CTBP2: variants seen among roughly 807,000 people sequenced by gnomAD.
CTBP2 encodes C-terminal-binding protein 2.
In CTBP2, 30 loss-of-function variants were observed where a neutral mutation model predicts 80.3. The ratio of observed to expected loss-of-function variants is 0.37; its 90% confidence interval spans 0.28 to 0.51. CTBP2 has a LOEUF of 0.51. Among genes scored for constraint, CTBP2 ranks in the 20% least tolerant of loss-of-function variants. The probability of loss-of-function intolerance (pLI) is 0.93; values close to 1 mark genes in which losing one functional copy is unlikely to be tolerated. For synonymous variants in CTBP2, 594 were observed against 587.4 expected (o/e 1.01, Z -0.16); for missense variants, 1,212 against 1,375.3 (o/e 0.88, Z 1.88).
At chr10:124,999,695 T>G (rs961477124) in intron 3 of CTBP2, 2 of 152,374 alleles carry the variant, frequency 1.3e-5, no homozygotes, top group African/African-American at 2.4e-5. Flanking sequence ...TCCCACGAGC[T>G]GGATGCCAGG....
intron 2 of CTBP2, among the ~76,000 whole-genome samples, chr10:125,104,862 G>A (rs1450389661): frequency 6.6e-6 from 1 of 152,232 alleles, no homozygotes; most frequent in Non-Finnish European, 1.5e-5. Flanking sequence ...GGTGTTAAAT[G>A]AATGCCTGGG....
chr10:125,038,845 C>T, intron 3 of CTBP2, 152 bp downstream of exon 3: 2 of 741,084 alleles, frequency 2.7e-6, no homozygotes, highest in Non-Finnish European at 4.4e-6. Flanking sequence ...CGGCCAAGGA[C>T]ACCCAGCAGA....
chr10:125,151,912 C>T (rs1277887142), intron 1 of CTBP2, among the ~76,000 whole-genome samples: 6 of 152,164 alleles, frequency 3.9e-5, no homozygotes, highest in Non-Finnish European at 7.4e-5. Flanking sequence ...GAAGTGGGCA[C>T]GGAGCGGGGG....
Position 125,026,528 on chromosome 10 carries a change from G to C in CTBP2, c.1232C>G (p.Ser411Cys), listed in dbSNP as rs1323608266. The change falls in exon 1 of 9, where the codon TCT (serine) becomes TGT (cysteine). Residue 411 changes from serine to cysteine, a missense_variant. Physicochemically the swap from Ser to Cys is moderately radical, Grantham distance 112. Transcript: ENST00000309035. Reference sequence around the variant, plus strand: ...GGCTGCCGTCTCCAGGAGGTGCTGAGATGGTGCGCTGGAGGGACGGCGAGC... The same window carrying C: ...GGCTGCCGTCTCCAGGAGGTGCTGACATGGTGCGCTGGAGGGACGGCGAGC... 2 of 1,593,742 alleles carry C rather than the reference G, an allele frequency of 1.3e-6. No homozygotes were observed. The highest frequency in any genetic ancestry group is 4.6e-5 in the East Asian group (2 of 43,728).
intron 1 of CTBP2, among the ~76,000 whole-genome samples, chr10:125,018,596 T>C (rs1006168655): frequency 1.3e-5 from 2 of 151,198 alleles, no homozygotes; most frequent in South Asian, 2.1e-4. Context: ...AACTCCACAA[T>C]AGTGACAATT....
intron 1 of CTBP2, 93 bp from the exon 4 acceptor site, chr10:125,003,585 G>A (rs986062440): frequency 3.8e-6 from 4 of 1,051,724 alleles, no homozygotes; most frequent in Non-Finnish European, 2.7e-6. Flanking sequence ...TCAGGGCAGG[G>A]CTTGGGCAAG....
chr10:125,008,327 T>C (rs1168083061), intron 1 of CTBP2, among the ~76,000 whole-genome samples: 2 of 152,228 alleles, frequency 1.3e-5, no homozygotes, highest in African/African-American at 4.8e-5. Context: ...CACCAGTGCC[T>C]GAGTCACTCC....
chr10:125,146,725 T>TGGC (rs1858850615), intron 1 of CTBP2, among the ~76,000 whole-genome samples: 1 of 152,158 alleles, frequency 6.6e-6, no homozygotes, highest in African/African-American at 2.4e-5. Context: ...GCACATGACC[T>TGGC]ACTATTCACA....
chr10:125,003,573 A>G, intron 1 of CTBP2, 81 bp from the exon 4 acceptor site: 1 of 1,196,574 alleles, frequency 8.4e-7, no homozygotes, highest in Non-Finnish European at 1.2e-6. Flanking sequence ...CCCACTCATC[A>G]CTCAGGGCAG....
At chr10:124,994,921 G>C (rs1953259984) in intron 4 of CTBP2, among the ~76,000 whole-genome samples, 1 of 152,212 alleles carries the variant, frequency 6.6e-6, no homozygotes. Flanking sequence ...GGTACAGCAG[G>C]ATTTTTGTTA....
intron 1 of CTBP2, chr10:125,006,059 G>A (rs1054949775): frequency 2.3e-6 from 3 of 1,317,766 alleles, no homozygotes. Flanking sequence ...CCGTTACCAG[G>A]GTAACAAACT....
intron 2 of CTBP2, among the ~76,000 whole-genome samples, chr10:125,071,817 A>G (rs2135459500): frequency 6.6e-6 from 1 of 152,276 alleles, no homozygotes; most frequent in East Asian, 1.9e-4. Flanking sequence ...ACATTCCCAA[A>G]GCAGACCCTG....
chr10:124,993,925 A>C lies in CTBP2; in HGVS notation c.2461T>G (p.Leu821Val). ...CTGCCCTCCTTGAGGGCTTGTGCTA[A>C]GGCTTTCTCGTCCACCAGGCCGCCA... is the stretch of plus-strand genomic sequence containing the variant. The change falls in exon 6 of 9, where the codon TTA (leucine) becomes GTA (valine). Residue 821 changes from leucine (L) to valine (V), a missense_variant. Physicochemically the swap from Leu to Val is conservative, Grantham distance 32 (BLOSUM62 1). Transcript: ENST00000309035. 1 of 1,614,194 alleles carries C rather than the reference A, an allele frequency of 6.2e-7. No homozygotes were observed. The highest frequency in any genetic ancestry group is 8.5e-7 in the Non-Finnish European group (1 of 1,180,042).
intron 2 of CTBP2, among the ~76,000 whole-genome samples, chr10:125,092,176 C>A (rs929263602): frequency 1.1e-5 from 1 of 87,128 alleles, no homozygotes; most frequent in Non-Finnish European, 2.2e-5. Context: ...TCTGAAGATT[C>A]TTTTTTTTTT....
At chr10:125,116,152 A>T (rs1242528561) in intron 1 of CTBP2, among the ~76,000 whole-genome samples, 1 of 152,132 alleles carries the variant, frequency 6.6e-6, no homozygotes, top group Non-Finnish European at 1.5e-5. Flanking sequence ...CCAGGCCCGA[A>T]CCCAGCACTC....
Position 125,062,725 on chromosome 10 carries a change from G to A in CTBP2, c.-101-23570C>T, listed in dbSNP as rs185392368. 2.4e-3 allele frequency among the ~76,000 whole-genome samples: 369 copies of A among 152,298 alleles called. 1 individual carries two copies. Among genetic ancestry groups the A allele is most frequent in the African/African-American group, 8.2e-3 (340 of 41,544 alleles). On this transcript the variant is annotated intron_variant, in intron 2 of 10. Transcript: ENST00000337195. ...AAAATACAAAAAATTAGCCGGGTGC[G>A]GTGGCACACGCCTGTAATCCCAGCT...
intron 2 of CTBP2, among the ~76,000 whole-genome samples, chr10:125,050,603 C>A (rs747682852): frequency 6.6e-5 from 10 of 152,050 alleles, no homozygotes; most frequent in African/African-American, 2.4e-4. Flanking sequence ...TATCAAATGC[C>A]GGGAAAAGGA....
At chr10:125,028,552 G>T (rs967345282), upstream of CTBP2, among the ~76,000 whole-genome samples, 15 of 152,228 alleles carry the variant, frequency 9.9e-5, no homozygotes, top group Non-Finnish European at 2.1e-4. Context: ...CTTTGGTTGT[G>T]AATCAAACAG....
chr10:125,107,256 C>T (rs559338289), intron 2 of CTBP2, among the ~76,000 whole-genome samples: 4 of 152,334 alleles, frequency 2.6e-5, no homozygotes, highest in Non-Finnish European at 5.9e-5. Context: ...AGATGAAAGG[C>T]CCTGTGGATC....
Sources: gnomAD v4.1 joint callset for allele counts (sites outside exome capture counted in the v4.1 genomes callset) on GRCh38, gnomAD v4.1.1 for gene constraint, MANE v1.5 for transcripts, NCBI Gene and HGNC (gene_info 2026-07-23, HGNC 2026-07-21) for gene names.